Variants in PRMT5 observed in about 807,000 individuals in gnomAD.
The protein encoded by PRMT5 is protein arginine methyltransferase 5, also known as protein arginine N-methyltransferase 5.
A neutral mutation model predicts 84.0 loss-of-function variants in PRMT5; 15 were observed. That is an observed-to-expected ratio of 0.18 (90% CI 0.12 to 0.28). The LOEUF is 0.28. Among genes scored for constraint, PRMT5 ranks in the 10% least tolerant of loss-of-function variants. PRMT5 has a pLI of 1.00. For synonymous variants in PRMT5, 276 were observed against 292.4 expected (o/e 0.94, Z 0.57); for missense variants, 486 against 808.0 (o/e 0.60, Z 4.83).
intron 7 of PRMT5, among the ~76,000 whole-genome samples, chr14:22,925,756 G>A (rs1211486366): frequency 4.0e-5 from 6 of 151,816 alleles, no homozygotes; most frequent in Non-Finnish European, 7.4e-5. Flanking sequence ...GGAGGCAGAG[G>A]TTCTGGTGAG....
intron 7 of PRMT5, 108 bp from the exon 8 acceptor site, chr14:22,925,148 T>TCA: frequency 8.9e-7 from 1 of 1,122,508 alleles, no homozygotes; most frequent in Non-Finnish European, 1.2e-6. Flanking sequence ...GATCAACAGT[T>TCA]CTCTTTTTTT....
rs1484099294 is a variant in PRMT5 at position 22,929,088 on chromosome 14, C to G, written c.110+164G>C. On this transcript the variant is annotated intron_variant, in intron 1 of 16. Coordinates refer to ENST00000324366, the MANE Select transcript of PRMT5 (RefSeq NM_006109.5). Reference sequence around the variant, plus strand: ...CACAGGCCTCCCACAAGTTATTTTCCTCACGTTACTGGGTCCGAGGCTCCT... The same window carrying G: ...CACAGGCCTCCCACAAGTTATTTTCGTCACGTTACTGGGTCCGAGGCTCCT... 65 of 1,559,634 alleles carry G rather than the reference C, an allele frequency of 4.2e-5. No individual in the cohort carries two copies. In the Middle Eastern group the frequency reaches 5.1e-4, roughly 12 times the overall value.
At chr14:22,922,068 C>T (rs559830593) in intron 16 of PRMT5, 108 bp downstream of exon 16, 8 of 1,007,528 alleles carry the variant, frequency 7.9e-6, no homozygotes, top group South Asian at 1.4e-5. Context: ...CATATGAAAT[C>T]AGGAGAACAT....
Position 22,922,914 on chromosome 14 carries a change from T to C in PRMT5, c.1486-79A>G, listed in dbSNP as rs1170866819. 6.1e-6 allele frequency: 9 copies of C among 1,481,590 alleles called. No homozygotes were observed. The East Asian group carries it at 2.1e-4, about 35-fold the overall frequency. The allele number at this position is 1,481,590 out of a possible 1,614,324, so 91.8% of individuals were successfully genotyped here. On this transcript the variant is annotated intron_variant, in intron 13 of 16. Coordinates refer to ENST00000324366, the MANE Select transcript of PRMT5 (RefSeq NM_006109.5). ...CTACTTCCCCAAGGATTAAAAAAAGTTTTACTTTAGTGCTTCCCCAATCCC... is the reference window on the plus strand; with the variant it reads ...CTACTTCCCCAAGGATTAAAAAAAGCTTTACTTTAGTGCTTCCCCAATCCC...
At position 22,920,746 on chromosome 14, in the gene PRMT5, A is replaced by C. The variant is rs1394945388; in HGVS notation, c.*158T>G. On this transcript the variant is annotated 3_prime_UTR_variant, in exon 17 of 17. Transcript: ENST00000324366. ...TGGCTTGAGCCCTGCAATTAATTAT[A>C]ATCCCTTGCCCACCTTGATGTAAGG... 1 of 1,091,268 alleles carries C rather than the reference A, an allele frequency of 9.2e-7. No homozygotes were observed. The highest frequency in any genetic ancestry group is 1.5e-5 in the African/African-American group (1 of 64,526). The allele number at this position is 1,091,268 out of a possible 1,614,324, so 67.6% of individuals were successfully genotyped here.
rs1285486335 is a variant in PRMT5, at chr14:22,924,862, G to A, written c.939+17C>T. The A allele has an allele frequency of 6.2e-7, 1 of 1,612,212 alleles. No homozygotes were observed. Among genetic ancestry groups the A allele is most frequent in the Non-Finnish European group, 8.5e-7 (1 of 1,178,908 alleles). On this transcript the variant is annotated intron_variant, in intron 8 of 16. Coordinates refer to ENST00000324366, the MANE Select transcript of PRMT5 (RefSeq NM_006109.5). The surrounding 1 kb of genome is among the most constrained non-coding windows in gnomAD (Gnocchi z 6.5). ...TTTCCATCCCACCTTCCTCCTCTAAGTGCACTCCAGACCCACCTGAAGCGG... is the reference window on the plus strand; with the variant it reads ...TTTCCATCCCACCTTCCTCCTCTAAATGCACTCCAGACCCACCTGAAGCGG...
intron 1 of PRMT5, 25 bp downstream of exon 1, chr14:22,929,227 C>T: frequency 6.2e-7 from 1 of 1,614,114 alleles, no homozygotes; most frequent in Non-Finnish European, 8.5e-7. Context: ...ACCCCGCATT[C>T]CGCTCGTGGA....
In PRMT5 at chr14:22,923,635, T is replaced by A. The variant is rs1594513233; in HGVS notation, c.1375+373A>T. On this transcript the variant is annotated intron_variant, in intron 12 of 16. Coordinates refer to ENST00000324366, the MANE Select transcript of PRMT5 (RefSeq NM_006109.5). The surrounding 1 kb of genome is among the most constrained non-coding windows in gnomAD (Gnocchi z 5.2). ...TTCAAGTGATTCTCGCGCCTCAGCC[T>A]CCCGAGTAGCTGGGATTACAGGCGT... is the stretch of plus-strand genomic sequence containing the variant. Among the ~76,000 whole-genome samples the A allele has an allele frequency of 6.6e-6, 1 of 152,016 alleles. No individual in the cohort carries two copies. The highest frequency in any genetic ancestry group is 2.4e-5 in the African/African-American group (1 of 41,366).
chr14:22,926,842 ACT>A (rs762494467), intron 4 of PRMT5, 28 bp from the exon 5 acceptor site: 22 of 1,536,506 alleles, frequency 1.4e-5, no homozygotes, highest in Middle Eastern at 1.7e-4. Flanking sequence ...CCCTTTTAGA[ACT>A]CTCTTTTGAA....
At chr14:22,927,709 T>G (rs2044456125) in intron 3 of PRMT5, 49 bp from the exon 4 acceptor site, 1 of 584,854 alleles carries the variant, frequency 1.7e-6, no homozygotes. Context: ...GCAAACAGCT[T>G]TTTTTTTTTT....
chr14:22,928,896 C>A lies in PRMT5; in HGVS notation c.111-281G>T. On this transcript the variant is annotated intron_variant, in intron 1 of 16. Coordinates refer to ENST00000324366, the MANE Select transcript of PRMT5 (RefSeq NM_006109.5). This position sits in a 1 kb window ranked among gnomAD's most constrained non-coding sequence, Gnocchi z 4.8. The stretch of plus-strand genomic sequence containing the variant: ...CTCAGGTGTCAGTATGTTTCCAAGA[C>A]CATCACATCCAGATTTGCCCCAGTT... 1 of 599,920 alleles carries A rather than the reference C, an allele frequency of 1.7e-6. No individual in the cohort carries two copies. The allele number at this position is 599,920 out of a possible 1,614,324, so 37.2% of individuals were successfully genotyped here. A position where few individuals can be genotyped will look rare whatever the true frequency, so the allele number is the denominator to read the frequency against.
At chr14:22,925,626 C>A (rs1298353476) in intron 7 of PRMT5, among the ~76,000 whole-genome samples, 1 of 151,906 alleles carries the variant, frequency 6.6e-6, no homozygotes, top group Admixed American at 6.6e-5. Flanking sequence ...TCAAGACCAG[C>A]CTGGCCAACA....
chr14:22,920,631 G>A lies in PRMT5; in HGVS notation c.*273C>T. The A allele has an allele frequency of 4.5e-6, 3 of 664,784 alleles. 1 individual carries two copies. 41.2% of individuals were successfully genotyped at this position (664,784 alleles called of 1,614,324 possible). On this transcript the variant is annotated 3_prime_UTR_variant, in exon 17 of 17. Transcript: ENST00000324366. Reference sequence around the variant, plus strand: ...ATCCGTTCAAACCCCATGTTCTCAGGGATATTCCAGGGAGTTCTTGAGGCT... The same window carrying A: ...ATCCGTTCAAACCCCATGTTCTCAGAGATATTCCAGGGAGTTCTTGAGGCT...
At chr14:22,927,357 C>T (rs571206024) in intron 4 of PRMT5, among the ~76,000 whole-genome samples, 169 bp downstream of exon 4, 1 of 152,182 alleles carries the variant, frequency 6.6e-6, no homozygotes. Context: ...GATCTGCCCA[C>T]CTCAGCCTCC....
rs757013591 is a variant in PRMT5 at position 22,928,169 on chromosome 14, C to T, written c.272G>A (p.Arg91His). The stretch of plus-strand genomic sequence containing the variant: ...AATCTTCTCCACTTTTGAGTCTGGA[C>T]GAATCCATGGAGAAAGCTTTCCCAC... ...LIVGKLSPWI[R>H]PDSKVEKIRR... is the part of the protein sequence containing the mutation. Residue 91 changes from arginine to histidine, a missense_variant, in exon 3 of 17, where the codon CGT becomes CAT. Transcript: ENST00000324366. This position sits in a 1 kb window ranked among gnomAD's most constrained non-coding sequence, Gnocchi z 4.8. The T allele has an allele frequency of 5.0e-6, 8 of 1,614,032 alleles. No individual in the cohort carries two copies. Among genetic ancestry groups the T allele is most frequent in the African/African-American group, 4.0e-5 (3 of 74,894 alleles).
In PRMT5 at chr14:22,928,625, C is replaced by A. The variant is rs755782956; in HGVS notation, c.111-10G>T. On this transcript the variant is annotated splice_polypyrimidine_tract_variant and intron_variant, in intron 1 of 16. Transcript: ENST00000324366. This position sits in a 1 kb window ranked among gnomAD's most constrained non-coding sequence, Gnocchi z 4.8. ...GCAGAGGAAATCAAACCTACAACCG[C>A]GACAGACCCAGAATCATGTAAAGAC... 7 of 1,580,138 alleles carry A rather than the reference C, an allele frequency of 4.4e-6. No homozygotes were observed. Among genetic ancestry groups the A allele is most frequent in the African/African-American group, 1.3e-5 (1 of 74,092 alleles).
Position 22,928,177 on chromosome 14 carries a change from T to C in PRMT5, c.264A>G (p.Pro88=). ...WNTLIVGKLS[P]WIRPDSKVEK... ...CCACTTTTGAGTCTGGACGAATCCA[T>C]GGAGAAAGCTTTCCCACAATTAGCG... Residue 88 remains proline, a synonymous_variant, in exon 3 of 17, where the codon CCA becomes CCG. Coordinates refer to ENST00000324366, the MANE Select transcript of PRMT5 (RefSeq NM_006109.5). This position sits in a 1 kb window ranked among gnomAD's most constrained non-coding sequence, Gnocchi z 4.8. The C allele has an allele frequency of 1.2e-6, 2 of 1,614,168 alleles. No homozygotes were observed. Among genetic ancestry groups the C allele is most frequent in the Non-Finnish European group, 1.7e-6 (2 of 1,180,026 alleles).
chr14:22,921,383 G>A (rs2044292807), intron 16 of PRMT5, among the ~76,000 whole-genome samples: 1 of 152,174 alleles, frequency 6.6e-6, no homozygotes, highest in Admixed American at 6.5e-5. Flanking sequence ...ACAGGCAAGA[G>A]AAAGGCATGA....
rs927365054 is a variant in PRMT5 at position 22,923,140 on chromosome 14, C to T, written c.1396G>A (p.Gly466Arg). 21 of 1,611,696 alleles carry T rather than the reference C, an allele frequency of 1.3e-5. No individual in the cohort carries two copies. The highest frequency in any genetic ancestry group is 4.5e-5 in the East Asian group (2 of 44,874). Reference protein sequence around the residue: ...FLKDDGVSIPGEYTSFLAPIS... With the variant: ...FLKDDGVSIPREYTSFLAPIS... ...GGAGCCAGAAAGGAAGTGTACTCCC[C>T]GGGGATGCTCACACCATCATCTGCA... Residue 466 changes from glycine to arginine, a missense_variant, in exon 13 of 17, where the codon GGG (glycine) becomes AGG (arginine). By Grantham distance (125) the Gly-to-Arg change is moderately radical. Around this residue, in one of 4 missense-constraint regions of PRMT5, gnomAD observed 219 missense variants for 433.6 expected, o/e 0.51. Coordinates refer to ENST00000324366, the MANE Select transcript of PRMT5 (RefSeq NM_006109.5). The surrounding 1 kb of genome is among the most constrained non-coding windows in gnomAD (Gnocchi z 5.2).
Sources: allele counts gnomAD v4.1 joint callset (sites outside exome capture counted in the v4.1 genomes callset), GRCh38; gene constraint gnomAD v4.1.1; regional missense constraint gnomAD v4.1.1; non-coding constraint Gnocchi (gnomAD v3.1); transcripts MANE v1.5; gene names NCBI Gene and HGNC (gene_info 2026-07-23, HGNC 2026-07-21).